Variants in DIAPH2 observed in about 807,000 individuals in gnomAD.
The protein encoded by DIAPH2 is protein diaphanous homolog 2.
DIAPH2 carries 35 observed loss-of-function variants against 92.7 expected under a neutral mutation model. The ratio of observed to expected loss-of-function variants is 0.38; its 90% CI spans 0.29 to 0.50. The LOEUF (loss-of-function observed/expected upper bound fraction) is 0.50, where lower values mean the gene tolerates loss of function less well. Ranked by LOEUF, DIAPH2 falls within the 20% of genes least tolerant of loss-of-function variation. The pLI is 0.94. For synonymous variants in DIAPH2, 301 were observed against 280.4 expected, an observed-to-expected ratio of 1.07 and a Z score of -0.73; for missense variants, 701 against 819.5, an observed-to-expected ratio of 0.86 and a Z score of 1.77.
intron 4 of DIAPH2, among the ~76,000 whole-genome samples, chrX:96,856,403 A>G (rs1332930509): frequency 9.2e-6 from 1 of 108,983 alleles, no homozygotes; most frequent in East Asian, 2.9e-4. Flanking sequence ...TGCCTGCTAA[A>G]TGAGTTAGCA....
chrX:97,187,953 G>A lies in DIAPH2; in HGVS notation c.2719+46159G>A, dbSNP rs748675101. ...TAGAGCTATTGAGGTTGGAGAGCAA[G>A]GTGAAAATGATGGGTTTAGATTTAG... On this transcript the variant is annotated intron_variant, in intron 22 of 26. Transcript: ENST00000324765. Among the ~76,000 whole-genome samples, 10 of 111,808 alleles carry A rather than the reference G, an allele frequency of 8.9e-5. No homozygotes were observed. The South Asian group carries it at 3.8e-3, about 42-fold the overall frequency.
chrX:96,867,615 C>G (rs1394954332), intron 4 of DIAPH2, among the ~76,000 whole-genome samples: 2 of 111,452 alleles, frequency 1.8e-5, no homozygotes, highest in Non-Finnish European at 3.8e-5. Flanking sequence ...GTTCATGCAG[C>G]AAAGATGAAT....
At chrX:96,793,990 A>G (rs766843503) in intron 4 of DIAPH2, among the ~76,000 whole-genome samples, 41 of 111,742 alleles carry the variant, frequency 3.7e-4, no homozygotes, top group Non-Finnish European at 7.0e-4. Flanking sequence ...ATAACAAAAT[A>G]CCATACGTGG....
intron 4 of DIAPH2, among the ~76,000 whole-genome samples, chrX:96,822,158 T>C (rs1410207125): frequency 2.7e-5 from 3 of 111,358 alleles, no homozygotes; most frequent in African/African-American, 9.8e-5. Context: ...CTATGAAAGA[T>C]GAGAATCTTA....
chrX:96,934,894 G>T (rs186186532), intron 10 of DIAPH2, among the ~76,000 whole-genome samples: 1 of 111,438 alleles, frequency 9.0e-6, no homozygotes, highest in Admixed American at 9.6e-5. Context: ...AAATGGTGTT[G>T]GTAGGCAGTG....
chrX:96,780,468 T>G (rs1315598346), intron 4 of DIAPH2, among the ~76,000 whole-genome samples: 2 of 111,503 alleles, frequency 1.8e-5, no homozygotes, highest in Non-Finnish European at 3.8e-5. Context: ...AGGGTTTTAT[T>G]TTTTTATTTT....
At chrX:96,938,859 T>C (rs2065674828) in intron 11 of DIAPH2, among the ~76,000 whole-genome samples, 1 of 112,057 alleles carries the variant, frequency 8.9e-6, no homozygotes, top group Non-Finnish European at 1.9e-5. Flanking sequence ...TTGCCTTCTA[T>C]CTTATGTGGC....
chrX:97,444,389 A>G (rs2070289343), intron 26 of DIAPH2, among the ~76,000 whole-genome samples: 1 of 111,635 alleles, frequency 9.0e-6, no homozygotes, highest in South Asian at 3.8e-4. Context: ...AAAAACAAAA[A>G]CAAGGGTATG....
At chrX:96,692,200 T>C (rs894053005) in intron 1 of DIAPH2, among the ~76,000 whole-genome samples, 2 of 112,166 alleles carry the variant, frequency 1.8e-5, no homozygotes, top group Non-Finnish European at 3.8e-5. Context: ...ATTGCCCAGA[T>C]ATAAGTTATC....
intron 17 of DIAPH2, among the ~76,000 whole-genome samples, chrX:96,978,441 C>G (rs1018782140): frequency 1.8e-5 from 2 of 109,613 alleles, no homozygotes; most frequent in African/African-American, 6.6e-5. Flanking sequence ...GCTGATTGAG[C>G]AAGCTAAATT....
chrX:96,747,614 C>T (rs1434664301), intron 3 of DIAPH2, among the ~76,000 whole-genome samples: 1 of 111,780 alleles, frequency 8.9e-6, no homozygotes, highest in Admixed American at 9.5e-5. Context: ...TTTTTGTTCT[C>T]TCACTTTTCT....
intron 5 of DIAPH2, chrX:96,885,077 A>G (rs1164385444): frequency 2.5e-6 from 3 of 1,203,906 alleles, no homozygotes; most frequent in African/African-American, 1.8e-5. Flanking sequence ...GATCGGGAGC[A>G]TTTTAAGTCT....
intron 22 of DIAPH2, among the ~76,000 whole-genome samples, chrX:97,183,228 T>C (rs1411541639): frequency 9.0e-6 from 1 of 111,718 alleles, no homozygotes; most frequent in African/African-American, 3.3e-5. Context: ...GAAATATCTA[T>C]CCTCATCTTC....
intron 4 of DIAPH2, among the ~76,000 whole-genome samples, chrX:96,878,597 G>C (rs1211245252): frequency 8.9e-6 from 1 of 111,743 alleles, no homozygotes; most frequent in East Asian, 2.8e-4. Flanking sequence ...TAACCAGAGA[G>C]GATCCTAAAT....
chrX:97,052,566 C>G lies in DIAPH2; in HGVS notation c.2051-20375C>G, dbSNP rs756847348. On this transcript the variant is annotated intron_variant, in intron 17 of 26. Transcript: ENST00000324765. The stretch of plus-strand genomic sequence containing the variant: ...TCTTAGAAGCCAGACAGGAGCAGAG[C>G]TGTATTTAAGGAAGTCAAATGGAAG... 1.8e-4 allele frequency among the ~76,000 whole-genome samples: 20 copies of G among 110,475 alleles called. No homozygotes were observed. The East Asian group carries it at 5.4e-3, about 30-fold the overall frequency.
intron 22 of DIAPH2, among the ~76,000 whole-genome samples, chrX:97,168,379 G>A (rs951530328): frequency 2.1e-4 from 23 of 111,040 alleles, no homozygotes; most frequent in South Asian, 3.8e-4. Context: ...AAGCCACCAC[G>A]CCCAGCCTAT....
chrX:97,544,735 T>C (rs2071166689), intron 26 of DIAPH2, among the ~76,000 whole-genome samples: 1 of 112,224 alleles, frequency 8.9e-6, no homozygotes, highest in South Asian at 3.7e-4. Context: ...AGTGGCATTC[T>C]TTCAGGTGGC....
chrX:96,948,788 G>A (rs1377128043), intron 14 of DIAPH2, 147 bp from the exon 15 acceptor site: 1 of 320,930 alleles, frequency 3.1e-6, no homozygotes, highest in East Asian at 5.0e-5. Context: ...ATACTTAATT[G>A]TTATGAAAAT....
chrX:96,768,745 A>AGCAGAGGTCACT (rs755991005), intron 4 of DIAPH2, among the ~76,000 whole-genome samples: 2 of 111,471 alleles, frequency 1.8e-5, no homozygotes, highest in African/African-American at 6.5e-5. Flanking sequence ...CTGAAGGAAT[A>AGCAGAGGTCACT]GCAGAGGTCA....
Sources: allele counts gnomAD v4.1 joint callset (sites outside exome capture counted in the v4.1 genomes callset), GRCh38; gene constraint gnomAD v4.1.1; transcripts MANE v1.5; gene names NCBI Gene and HGNC (gene_info 2026-07-23, HGNC 2026-07-21).